Variants in DSE observed in about 807,000 individuals in gnomAD.
DSE encodes the protein dermatan sulfate epimerase, also known as dermatan-sulfate epimerase.
DSE carries 36 observed loss-of-function variants against 84.4 expected under a neutral mutation model. The ratio of observed to expected loss-of-function variants is 0.43; its 90% CI spans 0.33 to 0.56. DSE has a LOEUF of 0.56. Ranked by LOEUF, DSE falls within the 20% of genes least tolerant of loss-of-function variation. The pLI, the probability that DSE is intolerant of heterozygous loss-of-function variation, is 0.06. For missense variants in DSE, 862 were observed against 1,169.6 expected (o/e 0.74, Z 3.84); for synonymous variants, 410 against 430.1 (o/e 0.95, Z 0.58).
chr6:116,398,291 C>A (rs771354425), intron 1 of DSE, among the ~76,000 whole-genome samples: 6 of 152,088 alleles, frequency 3.9e-5, no homozygotes, highest in African/African-American at 7.2e-5. Context: ...GAAAGATGTT[C>A]TTTTAACCAG....
chr6:116,328,936 A>AAAT (rs1253431913), intron 2 of DSE, among the ~76,000 whole-genome samples: 2 of 152,148 alleles, frequency 1.3e-5, no homozygotes, highest in Admixed American at 1.3e-4. Context: ...AATAAAAATA[A>AAAT]AATAATAATA....
chr6:116,414,575 G>C (rs1179739165), intron 2 of DSE, among the ~76,000 whole-genome samples: 1 of 152,094 alleles, frequency 6.6e-6, no homozygotes, highest in African/African-American at 2.4e-5. Flanking sequence ...ACCACGCCCA[G>C]CTAATGTTGT....
chr6:116,370,756 A>G (rs1779485134), upstream of DSE: 2 of 909,874 alleles, frequency 2.2e-6, no homozygotes, highest in Non-Finnish European at 2.6e-6. Context: ...GGAGCGGGAG[A>G]AAGCGGGGCG....
At chr6:116,307,331 G>A (rs1211495632) in intron 2 of DSE, among the ~76,000 whole-genome samples, 1 of 152,176 alleles carries the variant, frequency 6.6e-6, no homozygotes, top group Non-Finnish European at 1.5e-5. Context: ...GCAGTTGACA[G>A]ACAGCTAGTT....
rs377449926 is a variant in DSE, at chr6:116,255,740, A to T, written c.-576+1445A>T. 3.3e-5 allele frequency: 5 copies of T among 152,244 alleles called. No homozygotes were observed. In the South Asian group the frequency reaches 1.0e-3, roughly 31 times the overall value. 9.4% of individuals were successfully genotyped at this position (152,244 alleles called of 1,614,324 possible). A position where few individuals can be genotyped will look rare whatever the true frequency, so the allele number is the denominator to read the frequency against. ...GAACCTTTGCACTGTTGAAAGAGTAACTTTTCCATTATAACCTGAGTCAAG... is the reference window on the plus strand; with the variant it reads ...GAACCTTTGCACTGTTGAAAGAGTATCTTTTCCATTATAACCTGAGTCAAG... On this transcript the variant is annotated intron_variant, in intron 1 of 3. Coordinates refer to the DSE transcript ENST00000430252.
intron 2 of DSE, among the ~76,000 whole-genome samples, chr6:116,282,007 C>T (rs1773572897): frequency 6.6e-6 from 1 of 152,190 alleles, no homozygotes; most frequent in Non-Finnish European, 1.5e-5. Context: ...TTTGTGTGGT[C>T]ACACTGTATG....
chr6:116,349,301 G>T (rs941413046), intron 2 of DSE, among the ~76,000 whole-genome samples: 3 of 152,150 alleles, frequency 2.0e-5, no homozygotes, highest in Non-Finnish European at 4.4e-5. Context: ...TTGGATAGAG[G>T]TTGTGCTGAA....
chr6:116,405,799 A>T (rs1781885802), intron 2 of DSE, among the ~76,000 whole-genome samples: 1 of 152,202 alleles, frequency 6.6e-6, no homozygotes, highest in African/African-American at 2.4e-5. Flanking sequence ...GAGGAAGCAG[A>T]TGAAGAGGAC....
intron 2 of DSE, among the ~76,000 whole-genome samples, chr6:116,348,463 AG>A (rs1489760587): frequency 6.6e-6 from 1 of 152,032 alleles, no homozygotes; most frequent in African/African-American, 2.4e-5. Context: ...AAACCCCAAA[AG>A]TCAGGAAACA....
intron 2 of DSE, among the ~76,000 whole-genome samples, chr6:116,275,798 CAAA>C (rs386408358): frequency 2.8e-5 from 3 of 105,508 alleles, no homozygotes; most frequent in Non-Finnish European, 6.3e-5. Context: ...GACTCTATCT[CAAA>C]AAAAAAAAAA....
At chr6:116,269,018 T>TAA (rs5879368) in intron 2 of DSE, among the ~76,000 whole-genome samples, 25 of 145,936 alleles carry the variant, frequency 1.7e-4, no homozygotes, top group East Asian at 9.9e-4. Flanking sequence ...GATAATACTT[T>TAA]AAAAAAAAAA....
intron 1 of DSE, among the ~76,000 whole-genome samples, chr6:116,371,364 C>T (rs1001583139): frequency 2.6e-5 from 4 of 152,216 alleles, no homozygotes; most frequent in Non-Finnish European, 4.4e-5. Flanking sequence ...CCTCGAGGGG[C>T]AGCTTTTCGA....
rs1277299786 is a variant in DSE, at chr6:116,439,889, CTA to C, written c.*2546_*2547del. 1 of 151,550 alleles carries C rather than the reference CTA, an allele frequency of 6.6e-6. No individual in the cohort carries two copies. Among genetic ancestry groups the C allele is most frequent in the African/African-American group, 2.4e-5 (1 of 41,192 alleles). 9.4% of individuals were successfully genotyped at this position (151,550 alleles called of 1,614,324 possible). ...CTTAGGAGTTCTGTGCTGCAGTGAG[CTA>C]TGACTGTGCCACTGCACTCCAGCCT... On this transcript the variant is annotated 3_prime_UTR_variant, in exon 6 of 6. Transcript: ENST00000644252.
At chr6:116,358,890 G>T (rs528534993) in intron 2 of DSE, among the ~76,000 whole-genome samples, 5 of 152,256 alleles carry the variant, frequency 3.3e-5, no homozygotes, top group Admixed American at 3.3e-4. Context: ...AAAGCATTCA[G>T]AAGTCATTAT....
At chr6:116,382,860 A>G (rs1167204840) in intron 1 of DSE, among the ~76,000 whole-genome samples, 1 of 152,216 alleles carries the variant, frequency 6.6e-6, no homozygotes, top group East Asian at 1.9e-4. Context: ...TAAGTCACTG[A>G]GAAAGTTAGA....
At position 116,433,464 on chromosome 6, in the gene DSE, C is replaced by T; in HGVS notation, c.1032C>T (p.Asp344=). 1.3e-6 allele frequency: 2 copies of T among 1,555,424 alleles called. No individual in the cohort carries two copies. Among genetic ancestry groups the T allele is most frequent in the South Asian group, 2.4e-5 (2 of 84,254 alleles). Residue 344 remains aspartate, a synonymous_variant, in exon 5 of 6, where the codon GAC becomes GAT. Coordinates refer to ENST00000644252, the MANE Select transcript of DSE (RefSeq NM_013352.4). ...MRNGSGNWLA[D]QIRRNRVVEG... ...ATGGCAGTGGTAACTGGCTAGCTGA[C>T]CAAATCAGAAGGAACCGTGTGGTGG...
At chr6:116,384,281 G>A (rs1188989800) in intron 1 of DSE, among the ~76,000 whole-genome samples, 4 of 152,122 alleles carry the variant, frequency 2.6e-5, no homozygotes, top group South Asian at 2.1e-4. Context: ...AAGATGGGCC[G>A]AAAATTTTGA....
chr6:116,257,146 T>C (rs1772174113), intron 1 of DSE: 2 of 152,246 alleles, frequency 1.3e-5, no homozygotes, highest in African/African-American at 4.8e-5. Context: ...TTCTGGTTCA[T>C]TATTTAGTGT....
intron 2 of DSE, among the ~76,000 whole-genome samples, chr6:116,266,184 G>A (rs1772619142): frequency 6.6e-6 from 1 of 152,106 alleles, no homozygotes; most frequent in African/African-American, 2.4e-5. Flanking sequence ...TATAATCAAT[G>A]GCATCTTACA....
Sources: allele counts gnomAD v4.1 joint callset (sites outside exome capture counted in the v4.1 genomes callset), GRCh38; gene constraint gnomAD v4.1.1; transcripts MANE v1.5; gene names NCBI Gene and HGNC (gene_info 2026-07-23, HGNC 2026-07-21).